The following CFAP54 variants were observed in gnomAD, a reference collection of about 807,000 sequenced individuals.
CFAP54 encodes the protein cilia- and flagella-associated protein 54.
Under a neutral mutation model 370.4 loss-of-function variants are expected in CFAP54, and 290 were observed. The observed-to-expected ratio is 0.78, with a 90% CI of 0.71 to 0.86. CFAP54 has a LOEUF of 0.86. CFAP54 is among the 40% of genes least tolerant of loss of function. CFAP54 has a pLI of 0.00. For synonymous variants in CFAP54, 1,206 were observed against 1,236.5 expected, an observed-to-expected ratio of 0.98 and a Z score of 0.52; for missense variants, 3,399 against 3,528.7, an observed-to-expected ratio of 0.96 and a Z score of 0.93.
At chr12:96,829,172 G>A in intron 66 of CFAP54, 84 bp downstream of exon 66, 1 of 755,888 alleles carries the variant, frequency 1.3e-6, no homozygotes, top group South Asian at 2.1e-5. Context: ...ACATCTAATT[G>A]TAAGTATCAA....
At chr12:96,576,558 T>G in intron 19 of CFAP54, 27 bp from the exon 20 acceptor site, 1 of 1,437,976 alleles carries the variant, frequency 7.0e-7, no homozygotes, top group Non-Finnish European at 9.3e-7. Context: ...TTGACATATA[T>G]TTTTCTATTT....
Position 96,817,789 on chromosome 12 carries a change from A to T in CFAP54, c.8972A>T (p.His2991Leu). Reference protein sequence around the residue: ...WIPLNRVIAIHEKLSNLAQIA... With the variant: ...WIPLNRVIAILEKLSNLAQIA... ...GTTATTTTCAGGGTTATTGCAATTC[A>T]TGAGAAATTATCTAATCTTGCTCAA... The change falls in exon 65 of 68, where the codon CAT becomes CTT. Residue 2991 changes from histidine (H) to leucine (L), a missense_variant. By Grantham distance (99) the His-to-Leu change is moderately conservative. Coordinates refer to ENST00000524981, the MANE Select transcript of CFAP54 (RefSeq NM_001306084.2). 6.8e-7 allele frequency: 1 copy of T among 1,477,678 alleles called. No individual in the cohort carries two copies. The allele number at this position is 1,477,678 out of a possible 1,614,324, so 91.5% of individuals were successfully genotyped here. A position where few individuals can be genotyped will look rare whatever the true frequency, so the allele number is the denominator to read the frequency against.
intron 32 of CFAP54, among the ~76,000 whole-genome samples, chr12:96,638,702 C>G (rs1459618543): frequency 1.3e-5 from 2 of 152,052 alleles, no homozygotes; most frequent in Non-Finnish European, 2.9e-5. Context: ...TCTTTTAGAA[C>G]TCTTTGTTTA....
At position 96,783,964 on chromosome 12, in the gene CFAP54, G is replaced by A. The variant is rs766050261; in HGVS notation, c.8282-753G>A. Among the ~76,000 whole-genome samples, 7 of 152,268 alleles carry A rather than the reference G, an allele frequency of 4.6e-5. No individual in the cohort carries two copies. The South Asian group carries it at 1.2e-3, about 27-fold the overall frequency. On this transcript the variant is annotated intron_variant, in intron 60 of 67. Transcript: ENST00000524981. The stretch of plus-strand genomic sequence containing the variant: ...GGCCGAAGGCACAGAGAGATTCAAG[G>A]TCACACACTAGTGAGTGTATAGCTG...
rs11479059 is a variant in CFAP54, at chr12:96,510,963, CAA to C, written c.740-2006_740-2005del. Among the ~76,000 whole-genome samples, 265 of 103,654 alleles carry C rather than the reference CAA, an allele frequency of 2.6e-3. 1 individual carries two copies. The highest frequency in any genetic ancestry group is 5.8e-3 in the Middle Eastern group (1 of 172). 68.0% of individuals were successfully genotyped at this position (103,654 alleles called of 152,430 possible). On this transcript the variant is annotated intron_variant, in intron 4 of 67. Transcript: ENST00000524981. Reference sequence around the variant, plus strand: ...GGGTGACAGAGCGAGACTCTTATCTCAAAAAAAAAAAAAAAAAAGAAATGAAA... The same window carrying C: ...GGGTGACAGAGCGAGACTCTTATCTCAAAAAAAAAAAAAAAAGAAATGAAA...
At chr12:96,564,192 T>C (rs986506656) in intron 17 of CFAP54, among the ~76,000 whole-genome samples, 2 of 152,354 alleles carry the variant, frequency 1.3e-5, no homozygotes, top group Non-Finnish European at 2.9e-5. Context: ...GGTTGGATTC[T>C]ATCAATCCTC....
At chr12:96,797,579 T>C (rs1341452918) in intron 63 of CFAP54, among the ~76,000 whole-genome samples, 7 of 152,124 alleles carry the variant, frequency 4.6e-5, no homozygotes, top group Non-Finnish European at 8.8e-5. Flanking sequence ...ATTTTGATAA[T>C]AGTACTTTTC....
At chr12:96,704,491 TATATATATA>T in intron 46 of CFAP54, among the ~76,000 whole-genome samples, 1 of 119,632 alleles carries the variant, frequency 8.4e-6, no homozygotes, top group Non-Finnish European at 1.7e-5. Context: ...TATATATATA[TATATATATA>T]TTTAAAATAC....
intron 39 of CFAP54, among the ~76,000 whole-genome samples, chr12:96,667,034 A>G (rs538331824): frequency 2.0e-5 from 3 of 152,176 alleles, no homozygotes; most frequent in Non-Finnish European, 2.9e-5. Context: ...AAAATCCAAT[A>G]AGGCAGTCAT....
At chr12:96,654,432 C>T (rs1041309220) in intron 36 of CFAP54, among the ~76,000 whole-genome samples, 2 of 148,190 alleles carry the variant, frequency 1.3e-5, no homozygotes, top group Admixed American at 1.4e-4. Context: ...ACCCGGGAGG[C>T]GGAGCTTGCA....
intron 5 of CFAP54, among the ~76,000 whole-genome samples, chr12:96,514,374 C>A (rs1400450310): frequency 6.6e-6 from 1 of 152,200 alleles, no homozygotes; most frequent in Non-Finnish European, 1.5e-5. Context: ...TTAAAAAACT[C>A]TATGACAGAC....
chr12:96,611,162 A>G (rs1023150657), intron 26 of CFAP54, among the ~76,000 whole-genome samples: 18 of 152,224 alleles, frequency 1.2e-4, no homozygotes, highest in African/African-American at 4.3e-4. Context: ...GACACCTCAC[A>G]TGGCTGGGTA....
intron 48 of CFAP54, 21 bp from the exon 49 acceptor site, chr12:96,718,422 C>T (rs771982463): frequency 1.4e-5 from 18 of 1,262,296 alleles, no homozygotes; most frequent in African/African-American, 3.0e-5. Context: ...TTGGTCCTTC[C>T]AAAATTTTGT....
intron 1 of CFAP54, among the ~76,000 whole-genome samples, chr12:96,495,903 T>A (rs1719649661): frequency 6.6e-6 from 1 of 152,180 alleles, no homozygotes; most frequent in Non-Finnish European, 1.5e-5. Context: ...TCTGTAAGGT[T>A]TAGAAGAATT....
At chr12:96,840,912 G>A (rs78553734) in intron 66 of CFAP54, among the ~76,000 whole-genome samples, 2,878 of 152,208 alleles carry the variant, frequency 0.019, 33 homozygotes, top group Non-Finnish European at 0.03. Flanking sequence ...AAGCCCTTAA[G>A]AAAAGGCCAG....
intron 11 of CFAP54, 147 bp from the exon 12 acceptor site, chr12:96,535,368 G>T: frequency 3.3e-6 from 2 of 609,318 alleles, no homozygotes; most frequent in Non-Finnish European, 5.8e-6. Flanking sequence ...TTTTCATATA[G>T]AAGTATTTAA....
intron 26 of CFAP54, among the ~76,000 whole-genome samples, chr12:96,604,150 C>T (rs1956275316): frequency 6.6e-6 from 1 of 152,104 alleles, no homozygotes. Flanking sequence ...GTGTGGATGC[C>T]CTTTTTGTTG....
chr12:96,771,606 A>T (rs139720998), intron 60 of CFAP54, among the ~76,000 whole-genome samples: 14 of 151,972 alleles, frequency 9.2e-5, no homozygotes, highest in Non-Finnish European at 1.5e-4. Context: ...GAGCCGAGAT[A>T]GCGCCACTGC....
At chr12:96,714,093 A>G (rs1957646318) in intron 48 of CFAP54, among the ~76,000 whole-genome samples, 1 of 152,212 alleles carries the variant, frequency 6.6e-6, no homozygotes, top group Admixed American at 6.5e-5. Context: ...GGTTAGGGGA[A>G]CGAACAGGGT....
Sources: gnomAD v4.1 joint callset for allele counts (sites outside exome capture counted in the v4.1 genomes callset) on GRCh38, gnomAD v4.1.1 for gene constraint, MANE v1.5 for transcripts, NCBI Gene and HGNC (gene_info 2026-07-23, HGNC 2026-07-21) for gene names.